Variants in DPH6 observed in about 807,000 individuals in gnomAD.
DPH6 encodes the protein diphthine--ammonia ligase.
In DPH6, 33 loss-of-function variants were observed where a neutral mutation model predicts 38.2. The ratio of observed to expected loss-of-function variants is 0.86; its 90% CI spans 0.65 to 1.15. DPH6 has a LOEUF of 1.15. Ranked by LOEUF, DPH6 falls within the 50% of genes most tolerant of loss-of-function variation. DPH6 has a pLI of 0.00. For synonymous variants in DPH6, 108 were observed against 103.0 expected, an observed-to-expected ratio of 1.05 and a Z score of -0.30; for missense variants, 325 against 320.0, an observed-to-expected ratio of 1.02 and a Z score of -0.12.
At chr15:35,191,173 A>C in the DPH6 span, among the ~76,000 whole-genome samples, 2 of 152,244 alleles carry the variant, frequency 1.3e-5, no homozygotes, top group African/African-American at 2.4e-5. Flanking sequence ...ATTCAATGTA[A>C]CATGCCACAT....
downstream of DPH6, among the ~76,000 whole-genome samples, chr15:35,213,799 G>A (rs1230055863): frequency 2.0e-5 from 3 of 152,128 alleles, no homozygotes; most frequent in Non-Finnish European, 2.9e-5. Flanking sequence ...CCTATCCTAC[G>A]TGGTGAAATA....
At chr15:35,179,397 T>C in the DPH6 span, among the ~76,000 whole-genome samples, 3 of 151,952 alleles carry the variant, frequency 2.0e-5, no homozygotes, top group South Asian at 2.1e-4. Context: ...ATGTAGATAA[T>C]AGCAAAAATT....
chr15:35,180,963 G>T, the DPH6 span, among the ~76,000 whole-genome samples: 1 of 152,064 alleles, frequency 6.6e-6, no homozygotes, highest in Non-Finnish European at 1.5e-5. Flanking sequence ...ACAAAAATAT[G>T]CATTTAAGCA....
intron 3 of DPH6, among the ~76,000 whole-genome samples, chr15:35,474,809 A>G (rs1464487015): frequency 6.6e-6 from 1 of 152,108 alleles, no homozygotes; most frequent in Non-Finnish European, 1.5e-5. Flanking sequence ...TAATATTAAG[A>G]GTTGGGATAT....
At chr15:35,208,456 A>C in the DPH6 span, among the ~76,000 whole-genome samples, 1 of 152,200 alleles carries the variant, frequency 6.6e-6, no homozygotes, top group Non-Finnish European at 1.5e-5. Flanking sequence ...GCTAGAGCTG[A>C]CTGCTTGCAA....
In DPH6 at chr15:35,282,536, T is replaced by C. The variant is rs974577627; in HGVS notation, n.201-61954A>G. On this transcript the variant is annotated intron_variant and non_coding_transcript_variant, in intron 3 of 3. Coordinates refer to the DPH6 transcript ENST00000560386. Reference sequence around the variant, plus strand: ...CTTGGCAGACTGTGCTGGGTTGTCATGCTGCCACTGCCACTGTGCCAACCC... The same window carrying C: ...CTTGGCAGACTGTGCTGGGTTGTCACGCTGCCACTGCCACTGTGCCAACCC... 1.1e-4 allele frequency: 26 copies of C among 234,452 alleles called. No homozygotes were observed. In the Admixed American group the frequency reaches 1.2e-3, roughly 11 times the overall value. 14.5% of individuals were successfully genotyped at this position (234,452 alleles called of 1,614,324 possible).
At chr15:35,275,945 T>C (rs2051855953) in intron 3 of DPH6, among the ~76,000 whole-genome samples, 1 of 152,102 alleles carries the variant, frequency 6.6e-6, no homozygotes, top group Non-Finnish European at 1.5e-5. Flanking sequence ...ATGGCTTCTT[T>C]TCCTCTGGGT....
chr15:35,425,708 GGT>G (rs566829167), intron 5 of DPH6, among the ~76,000 whole-genome samples: 105 of 148,024 alleles, frequency 7.1e-4, no homozygotes, highest in African/African-American at 2.5e-3. Flanking sequence ...TGTGTGTATG[GGT>G]GTGTGTACAA....
At chr15:35,495,555 C>T (rs545589099) in intron 3 of DPH6, among the ~76,000 whole-genome samples, 3 of 152,206 alleles carry the variant, frequency 2.0e-5, no homozygotes, top group East Asian at 3.9e-4. Flanking sequence ...GACTTCTACA[C>T]AGGAAATGCC....
At chr15:35,325,706 A>G (rs2052277186) in intron 3 of DPH6, among the ~76,000 whole-genome samples, 2 of 152,156 alleles carry the variant, frequency 1.3e-5, no homozygotes, top group Admixed American at 6.6e-5. Flanking sequence ...TGAAAACACT[A>G]ACCATAAGGG....
chr15:35,445,975 G>A lies in DPH6; in HGVS notation c.505+4710C>T, dbSNP rs1361953953. On this transcript the variant is annotated intron_variant, in intron 5 of 8. Transcript: ENST00000256538. ...TTGCATATATTTCATTGTGTTTAGC[G>A]TAAATACTGTAAACCTCGAGTAACA... 4.6e-5 allele frequency among the ~76,000 whole-genome samples: 7 copies of A among 152,062 alleles called. No individual in the cohort carries two copies. In the South Asian group the frequency reaches 6.2e-4, roughly 14 times the overall value.
intron 5 of DPH6, among the ~76,000 whole-genome samples, chr15:35,446,129 T>C (rs751090362): frequency 3.2e-4 from 48 of 152,288 alleles, no homozygotes; most frequent in Non-Finnish European, 5.0e-4. Context: ...TTGCCTGCAA[T>C]TTCAGACAAT....
intron 3 of DPH6, among the ~76,000 whole-genome samples, chr15:35,455,830 T>C (rs906831407): frequency 2.0e-5 from 3 of 152,130 alleles, no homozygotes; most frequent in African/African-American, 7.2e-5. Context: ...GAGAGATCGC[T>C]TCATCATGAA....
chr15:35,483,474 CA>C (rs372002791), intron 3 of DPH6, among the ~76,000 whole-genome samples: 13,865 of 123,670 alleles, frequency 0.11, 819 homozygotes, highest in African/African-American at 0.21. Flanking sequence ...AAAAAAAAAC[CA>C]AAAAAAAAAA....
At chr15:35,392,741 G>T (rs2140961734) in intron 6 of DPH6, among the ~76,000 whole-genome samples, 1 of 152,276 alleles carries the variant, frequency 6.6e-6, no homozygotes, top group East Asian at 1.9e-4. Flanking sequence ...ATAAAGCAGG[G>T]TACCAATCTA....
intron 3 of DPH6, among the ~76,000 whole-genome samples, chr15:35,458,487 G>C (rs953419263): frequency 6.6e-6 from 1 of 152,218 alleles, no homozygotes; most frequent in South Asian, 2.1e-4. Context: ...ATATTTAAAA[G>C]ATAAAGATCT....
At chr15:35,496,665 C>G (rs2054563532) in intron 3 of DPH6, among the ~76,000 whole-genome samples, 1 of 145,546 alleles carries the variant, frequency 6.9e-6, no homozygotes, top group African/African-American at 2.5e-5. Context: ...CCAGGGATGA[C>G]TCAGAAAAAA....
At position 35,414,769 on chromosome 15, in the gene DPH6, G is replaced by A. The variant is rs146840308; in HGVS notation, c.506-3873C>T. Among the ~76,000 whole-genome samples, 539 of 148,794 alleles carry A rather than the reference G, an allele frequency of 3.6e-3. 4 individuals are homozygous for A. The highest frequency in any genetic ancestry group is 6.9e-3 in the Middle Eastern group (2 of 290). ...CTGCTGCACTCATTCTCTCTTTGAC[G>A]TGACTAGCATTTATTCTGCCCACTG... is the stretch of plus-strand genomic sequence containing the variant. On this transcript the variant is annotated intron_variant, in intron 5 of 8. Transcript: ENST00000256538.
chr15:35,207,640 T>C, the DPH6 span, among the ~76,000 whole-genome samples: 10 of 152,334 alleles, frequency 6.6e-5, no homozygotes, highest in South Asian at 2.1e-3. Flanking sequence ...AAAATGATAA[T>C]TTAACTTCTA....
Sources: allele counts gnomAD v4.1 joint callset (sites outside exome capture counted in the v4.1 genomes callset), GRCh38; gene constraint gnomAD v4.1.1; transcripts MANE v1.5; gene names NCBI Gene and HGNC (gene_info 2026-07-23, HGNC 2026-07-21).